The following ALDH3A1 variants were observed in gnomAD, a reference collection of about 807,000 sequenced individuals.
The protein encoded by ALDH3A1 is aldehyde dehydrogenase 3 family member A1, also known as aldehyde dehydrogenase, dimeric NADP-preferring.
Under a neutral mutation model 49.9 loss-of-function variants are expected in ALDH3A1, and 46 were observed. The observed-to-expected ratio is 0.92, with a 90% CI of 0.73 to 1.18. The LOEUF (loss-of-function observed/expected upper bound fraction) is 1.18. Among genes scored for constraint, ALDH3A1 ranks in the 50% most tolerant of loss-of-function variants. The pLI, the probability that ALDH3A1 is intolerant of heterozygous loss-of-function variation, is 0.00. For missense variants in ALDH3A1, 592 were observed against 611.8 expected (o/e 0.97, Z 0.34); for synonymous variants, 269 against 253.3 (o/e 1.06, Z -0.59).
At position 19,743,377 on chromosome 17, in the gene ALDH3A1, C is replaced by A. The variant is rs138392076; in HGVS notation, c.249G>T (p.Ala83=). 3 of 1,614,170 alleles carry A rather than the reference C, an allele frequency of 1.9e-6. No homozygotes were observed. Among genetic ancestry groups the A allele is most frequent in the African/African-American group, 1.3e-5 (1 of 75,064 alleles). The change falls in exon 3 of 11, where the codon GCG becomes GCT. Residue 83 remains alanine (A), a synonymous_variant. Transcript: ENST00000225740. The surrounding 1 kb of genome is among the most constrained non-coding windows in gnomAD (Gnocchi z 4.4). The part of the protein sequence containing the change: ...YMIQKLPEWA[A]DEPVEKTPQT... The stretch of plus-strand genomic sequence containing the variant: ...GGGGCGTCTTCTCCACGGGCTCATC[C>A]GCGGCCCACTCAGGGAGCTTCTGGA...
At position 19,739,625 on chromosome 17, in the gene ALDH3A1, C is replaced by T. The variant is rs147686367; in HGVS notation, c.999G>A (p.Glu333=). The change falls in exon 8 of 11, where the codon GAG becomes GAA. Residue 333 remains glutamate (E), a synonymous_variant. Transcript: ENST00000225740. ...DVDPQSPVMQ[E]EIFGPVLPIV... is the part of the protein sequence containing the mutation. Reference sequence around the variant, plus strand: ...TGGGCAGCACAGGCCCGAAGATCTCCTCTTGCATCACCGGGGACTGGGGGT... The same window carrying T: ...TGGGCAGCACAGGCCCGAAGATCTCTTCTTGCATCACCGGGGACTGGGGGT... 85 of 1,614,022 alleles carry T rather than the reference C, an allele frequency of 5.3e-5. No homozygotes were observed. In the African/African-American group the frequency reaches 1.0e-3, roughly 20 times the overall value.
At chr17:19,745,348 C>A in intron 1 of ALDH3A1, 1 of 513,228 alleles carries the variant, frequency 1.9e-6, no homozygotes, top group South Asian at 3.0e-5. Context: ...GAAGGTGACA[C>A]CCGCCGCAAC....
Position 19,743,581 on chromosome 17 carries a change from T to G in ALDH3A1, c.163-118A>C. ...TGGGGGTCACTCACCCAGCCCAGGGTGGGGGCAGCCGCAGAAGGCTCCCAG... is the reference window on the plus strand; with the variant it reads ...TGGGGGTCACTCACCCAGCCCAGGGGGGGGGCAGCCGCAGAAGGCTCCCAG... On this transcript the variant is annotated intron_variant, in intron 2 of 10. Transcript: ENST00000225740. This position sits in a 1 kb window ranked among gnomAD's most constrained non-coding sequence, Gnocchi z 4.4. The G allele has an allele frequency of 1.4e-6, 2 of 1,474,052 alleles. No individual in the cohort carries two copies. 91.3% of individuals were successfully genotyped at this position (1,474,052 alleles called of 1,614,324 possible).
At chr17:19,746,644 C>CGTGT (rs111828936) in intron 1 of ALDH3A1, among the ~76,000 whole-genome samples, 5 of 143,926 alleles carry the variant, frequency 3.5e-5, no homozygotes, top group African/African-American at 1.1e-4. Flanking sequence ...TGTGCGTGTG[C>CGTGT]GTGTGTGTGC....
In ALDH3A1 at chr17:19,743,366, A is replaced by G. The variant is rs1386399368; in HGVS notation, c.260T>C (p.Val87Ala). ...CTGCTGAGTCTGGGGCGTCTTCTCCACGGGCTCATCCGCGGCCCACTCAGG... is the reference window on the plus strand; with the variant it reads ...CTGCTGAGTCTGGGGCGTCTTCTCCGCGGGCTCATCCGCGGCCCACTCAGG... ...KLPEWAADEPVEKTPQTQQDE... is the reference protein window; with the variant it reads ...KLPEWAADEPAEKTPQTQQDE... Residue 87 changes from valine to alanine, a missense_variant, in exon 3 of 11, where the codon GTG becomes GCG. Coordinates refer to ENST00000225740, the MANE Select transcript of ALDH3A1 (RefSeq NM_000691.5). The surrounding 1 kb of genome is among the most constrained non-coding windows in gnomAD (Gnocchi z 4.4). The G allele has an allele frequency of 1.9e-6, 3 of 1,613,988 alleles. No individual in the cohort carries two copies. Among genetic ancestry groups the G allele is most frequent in the Non-Finnish European group, 2.5e-6 (3 of 1,180,022 alleles).
In ALDH3A1 at chr17:19,742,059, C is replaced by A; in HGVS notation, c.634G>T (p.Gly212Ter). The change falls in exon 5 of 11, where the codon GGA (glycine) becomes TGA (stop). Residue 212 changes from glycine to a stop codon, truncating the protein, a stop_gained. Transcript: ENST00000225740. LOFTEE classifies it high-confidence loss of function. The part of the protein sequence containing the change: ...KHLTPVTLEL[G>*]GKSPCYVDKN... ...TCCACGTAGCAGGGACTCTTCCCTC[C>A]CAGCTCCAGCGTGACAGGGGTCAGG... 1 of 1,614,024 alleles carries A rather than the reference C, an allele frequency of 6.2e-7. No homozygotes were observed. The highest frequency in any genetic ancestry group is 1.6e-4 in the Middle Eastern group (1 of 6,062).
At chr17:19,740,306 G>A in intron 7 of ALDH3A1, 30 bp downstream of exon 7, 2 of 1,608,540 alleles carry the variant, frequency 1.2e-6, no homozygotes, top group Non-Finnish European at 1.7e-6. Context: ...AGCCTGGGCA[G>A]GTGGGCTGTG....
In ALDH3A1 at chr17:19,742,731, C is replaced by T. The variant is rs1182674292; in HGVS notation, c.395-101G>A. 4.4e-6 allele frequency: 7 copies of T among 1,587,022 alleles called. No individual in the cohort carries two copies. The highest frequency in any genetic ancestry group is 2.7e-5 in the African/African-American group (2 of 74,496). On this transcript the variant is annotated intron_variant, in intron 3 of 10. Transcript: ENST00000225740. ...AAGCCTCCCCTCCATTGTGTGTCCT[C>T]GGGACAGTGGATGGAAGAGTTGTTA...
chr17:19,741,475 G>C (rs1206692776), intron 5 of ALDH3A1: 1 of 414,602 alleles, frequency 2.4e-6, no homozygotes, highest in Non-Finnish European at 4.5e-6. Flanking sequence ...CCCTTGTCCT[G>C]CACAGCCAGG....
chr17:19,744,907 C>A lies in ALDH3A1; in HGVS notation c.162+61G>T, dbSNP rs539635463. ...CTGGGTCGCACTCTCCCCAGCCCCT[C>A]CCCCCACGCCCCATCGCATGGCCCC... On this transcript the variant is annotated intron_variant, in intron 2 of 10. Coordinates refer to ENST00000225740, the MANE Select transcript of ALDH3A1 (RefSeq NM_000691.5). 1,635 of 813,444 alleles carry A rather than the reference C, an allele frequency of 2.0e-3. 89 individuals carry two copies. In the African/African-American group the frequency reaches 0.028, roughly 14 times the overall value. The allele number at this position is 813,444 out of a possible 1,614,324, so 50.4% of individuals were successfully genotyped here.
chr17:19,741,038 C>T (rs2086481546), intron 6 of ALDH3A1, 55 bp downstream of exon 6: 1 of 1,359,354 alleles, frequency 7.4e-7, no homozygotes, highest in Admixed American at 1.7e-5. Flanking sequence ...AGGGGCCAGG[C>T]CCCCCTTGTG....
Position 19,743,894 on chromosome 17 carries a change from G to A in ALDH3A1, c.163-431C>T. On this transcript the variant is annotated intron_variant, in intron 2 of 10. Coordinates refer to ENST00000225740, the MANE Select transcript of ALDH3A1 (RefSeq NM_000691.5). The surrounding 1 kb of genome is among the most constrained non-coding windows in gnomAD (Gnocchi z 4.4). ...GTGGAGGGAGCCAGGCCCTTTAGTT[G>A]TCTGGAGGGGGATGCAGGACCAAGG... The A allele has an allele frequency of 1.0e-6, 1 of 985,128 alleles. No individual in the cohort carries two copies. Among genetic ancestry groups the A allele is most frequent in the South Asian group, 4.7e-5 (1 of 21,272 alleles). 61.0% of individuals were successfully genotyped at this position (985,128 alleles called of 1,614,324 possible).
At chr17:19,745,259 G>C in intron 1 of ALDH3A1, 125 bp from the exon 2 acceptor site, 1 of 1,059,380 alleles carries the variant, frequency 9.4e-7, no homozygotes, top group Non-Finnish European at 1.3e-6. Context: ...CTTTCCGCTG[G>C]AAGGTCCACT....
At chr17:19,745,169 G>A in intron 1 of ALDH3A1, 35 bp from the exon 2 acceptor site, 2 of 1,529,032 alleles carry the variant, frequency 1.3e-6, no homozygotes, top group Admixed American at 1.9e-5. Context: ...TGGCTGAGGG[G>A]CACGAGCGCG....
intron 9 of ALDH3A1, chr17:19,738,682 C>T: frequency 4.6e-6 from 3 of 651,214 alleles, no homozygotes; most frequent in Non-Finnish European, 7.8e-6. Flanking sequence ...GTCCCCAGGG[C>T]ATCCACACTG....
Position 19,741,141 on chromosome 17 carries a change from G to A in ALDH3A1, c.759C>T (p.Asp253=), listed in dbSNP as rs781403316. The change falls in exon 6 of 11, where the codon GAC becomes GAT. Residue 253 remains aspartate, a synonymous_variant. Transcript: ENST00000225740. ...TCVAPDYILC[D]PSIQNQIVEK... ...CCACAATTTGGTTCTGGATCGAGGG[G>A]TCACAGAGGATGTAGTCAGGGGCCA... is the stretch of plus-strand genomic sequence containing the variant. 3.7e-6 allele frequency: 6 copies of A among 1,614,130 alleles called. No individual in the cohort carries two copies. Among genetic ancestry groups the A allele is most frequent in the Non-Finnish European group, 4.2e-6 (5 of 1,179,984 alleles).
chr17:19,740,592 CTTTT>C, intron 6 of ALDH3A1, 115 bp from the exon 7 acceptor site: 3 of 1,143,208 alleles, frequency 2.6e-6, no homozygotes. Context: ...CTGGGTGGAG[CTTTT>C]TTCTTCTTTA....
At chr17:19,744,396 C>T (rs1316802840) in intron 2 of ALDH3A1, 1 of 974,582 alleles carries the variant, frequency 1.0e-6, no homozygotes, top group Non-Finnish European at 1.2e-6. Context: ...GAGCGAGACT[C>T]TGTCTCAAAT....
Position 19,745,108 on chromosome 17 carries a change from C to T in ALDH3A1, c.22G>A (p.Val8Met), listed in dbSNP as rs780939059. 2.5e-6 allele frequency: 4 copies of T among 1,585,596 alleles called. No individual in the cohort carries two copies. The highest frequency in any genetic ancestry group is 1.1e-5 in the South Asian group (1 of 90,052). MSKISEA[V>M]KRARAAFSSG... ...CTGAAGGCGGCGCGGGCGCGCTTCA[C>T]GGCCTCGCTGATCTTGCTCATGGCG... The change falls in exon 2 of 11, where the codon GTG becomes ATG. Residue 8 changes from valine to methionine, a missense_variant. Coordinates refer to ENST00000225740, the MANE Select transcript of ALDH3A1 (RefSeq NM_000691.5).
Sources: gnomAD v4.1 joint callset for allele counts (sites outside exome capture counted in the v4.1 genomes callset) on GRCh38, gnomAD v4.1.1 for gene constraint, Gnocchi (gnomAD v3.1) non-coding constraint, MANE v1.5 for transcripts, NCBI Gene and HGNC (gene_info 2026-07-23, HGNC 2026-07-21) for gene names.